The following POLR3G variants were observed in gnomAD, a reference collection of about 807,000 sequenced individuals.
POLR3G encodes DNA-directed RNA polymerase III subunit RPC7.
Under a neutral mutation model 30.1 loss-of-function variants are expected in POLR3G, and 28 were observed. The ratio of observed to expected loss-of-function variants is 0.93; its 90% CI spans 0.69 to 1.27. The LOEUF (loss-of-function observed/expected upper bound fraction) is 1.27, where lower values mean the gene tolerates loss of function less well. Among genes scored for constraint, POLR3G ranks in the 50% most tolerant of loss-of-function variants. The pLI is 0.00. For missense variants in POLR3G, 254 were observed against 264.6 expected, an observed-to-expected ratio of 0.96 and a Z score of 0.28; for synonymous variants, 79 against 82.5, an observed-to-expected ratio of 0.96 and a Z score of 0.23.
intron 5 of POLR3G, among the ~76,000 whole-genome samples, chr5:90,498,805 C>A (rs376968530): frequency 2.0e-5 from 3 of 152,102 alleles, no homozygotes; most frequent in African/African-American, 7.2e-5. Context: ...TCTATTATTG[C>A]CAGACATTGT....
At chr5:90,487,814 G>A (rs1751522894) in intron 2 of POLR3G, among the ~76,000 whole-genome samples, 186 bp from the exon 3 acceptor site, 4 of 152,178 alleles carry the variant, frequency 2.6e-5, no homozygotes, top group Admixed American at 2.0e-4. Flanking sequence ...TAATAGAAGA[G>A]CAAAGTAGGA....
At chr5:90,475,210 A>G (rs1047295161) in intron 1 of POLR3G, among the ~76,000 whole-genome samples, 190 bp downstream of exon 1, 5 of 152,106 alleles carry the variant, frequency 3.3e-5, no homozygotes, top group African/African-American at 1.2e-4. Flanking sequence ...TTTAAGTCCA[A>G]TTTCCAGATC....
upstream of POLR3G, chr5:90,474,162 ATCACCACG>A: frequency 6.2e-7 from 1 of 1,600,488 alleles, no homozygotes; most frequent in Non-Finnish European, 8.5e-7. Context: ...GCCTGTATCG[ATCACCACG>A]TCCTGCTCGG....
At chr5:90,510,775 G>A (rs1752700328) in intron 7 of POLR3G, among the ~76,000 whole-genome samples, 1 of 151,582 alleles carries the variant, frequency 6.6e-6, no homozygotes, top group South Asian at 2.1e-4. Flanking sequence ...AAAAAGTAAT[G>A]AGATAACTAT....
rs1752876061 is a variant in POLR3G at position 90,514,469 on chromosome 5, TTTG to T, written c.*2333_*2335del. ...ATGTTTATTTGTTAGAGAAAACTAA[TTTG>T]TTAATATAGATCTTAACTAGTAACT... On this transcript the variant is annotated 3_prime_UTR_variant, in exon 8 of 8. Transcript: ENST00000651687. 6.6e-6 allele frequency: 1 copy of T among 152,240 alleles called. No individual in the cohort carries two copies. The highest frequency in any genetic ancestry group is 1.5e-5 in the Non-Finnish European group (1 of 68,036). The allele number at this position is 152,240 out of a possible 1,614,324, so 9.4% of individuals were successfully genotyped here.
intron 1 of POLR3G, among the ~76,000 whole-genome samples, chr5:90,484,612 T>G (rs1393718781): frequency 6.6e-6 from 1 of 152,130 alleles, no homozygotes; most frequent in Non-Finnish European, 1.5e-5. Flanking sequence ...TACTGTGGCT[T>G]GCATAATTTT....
chr5:90,506,476 A>G, intron 6 of POLR3G, 52 bp from the exon 7 acceptor site: 2 of 1,573,212 alleles, frequency 1.3e-6, no homozygotes, highest in African/African-American at 1.4e-5. Context: ...TAAGCAGGGA[A>G]GTCAGCAGTC....
chr5:90,474,001 C>T (rs1179934133), upstream of POLR3G: 2 of 1,598,654 alleles, frequency 1.3e-6, no homozygotes, highest in East Asian at 2.3e-5. Flanking sequence ...TGCACTGCCA[C>T]GCGGTCGAAC....
intron 5 of POLR3G, among the ~76,000 whole-genome samples, chr5:90,498,652 A>G (rs972949678): frequency 3.9e-5 from 6 of 152,252 alleles, no homozygotes; most frequent in African/African-American, 1.4e-4. Flanking sequence ...ATTTTTTATT[A>G]TACTGGCTAC....
intron 1 of POLR3G, among the ~76,000 whole-genome samples, chr5:90,477,410 G>T (rs1393422447): frequency 5.9e-5 from 9 of 152,162 alleles, no homozygotes; most frequent in Non-Finnish European, 8.8e-5. Flanking sequence ...GGAGAATCCG[G>T]CCACAGGAAG....
intron 7 of POLR3G, among the ~76,000 whole-genome samples, chr5:90,508,592 C>A (rs1423441768): frequency 2.6e-5 from 4 of 151,856 alleles, no homozygotes; most frequent in African/African-American, 9.7e-5. Context: ...CCCTCCCCCA[C>A]CATTAGCTCT....
At chr5:90,483,690 T>C (rs546082850) in intron 1 of POLR3G, among the ~76,000 whole-genome samples, 1 of 152,082 alleles carries the variant, frequency 6.6e-6, no homozygotes, top group Non-Finnish European at 1.5e-5. Context: ...TCCCAGCTAC[T>C]TAGGAGGCTG....
chr5:90,504,215 A>G (rs1561257799), intron 6 of POLR3G, among the ~76,000 whole-genome samples: 1 of 152,094 alleles, frequency 6.6e-6, no homozygotes, highest in Non-Finnish European at 1.5e-5. Flanking sequence ...TAGCAATAAT[A>G]GAAATAGAGA....
intron 1 of POLR3G, among the ~76,000 whole-genome samples, chr5:90,479,221 C>G (rs953655563): frequency 6.6e-6 from 1 of 152,168 alleles, no homozygotes; most frequent in Non-Finnish European, 1.5e-5. Flanking sequence ...CCTGTAATCC[C>G]AGCACTTTGG....
chr5:90,486,333 G>A (rs1421428152), intron 2 of POLR3G, among the ~76,000 whole-genome samples: 1 of 152,148 alleles, frequency 6.6e-6, no homozygotes, highest in African/African-American at 2.4e-5. Context: ...TCAGGTATTG[G>A]CATAATGTCA....
intron 3 of POLR3G, among the ~76,000 whole-genome samples, chr5:90,491,748 G>A (rs889647048): frequency 1.9e-4 from 29 of 151,764 alleles, no homozygotes; most frequent in African/African-American, 6.5e-4. Flanking sequence ...GAAATACCTT[G>A]CTACTTTATC....
chr5:90,480,187 C>A (rs1387407608), intron 1 of POLR3G, among the ~76,000 whole-genome samples: 1 of 152,154 alleles, frequency 6.6e-6, no homozygotes, highest in African/African-American at 2.4e-5. Flanking sequence ...CACTAAAACT[C>A]CTTTATTCTA....
At chr5:90,510,187 G>T (rs1752671429) in intron 7 of POLR3G, among the ~76,000 whole-genome samples, 1 of 152,080 alleles carries the variant, frequency 6.6e-6, no homozygotes, top group African/African-American at 2.4e-5. Context: ...GACCATCCTG[G>T]CTAACACGGT....
chr5:90,486,219 T>C (rs1224733439), intron 2 of POLR3G, among the ~76,000 whole-genome samples: 2 of 152,226 alleles, frequency 1.3e-5, no homozygotes, highest in Admixed American at 6.5e-5. Context: ...TAGTTTAGAA[T>C]GTATCCAGGG....
Sources: allele counts gnomAD v4.1 joint callset (sites outside exome capture counted in the v4.1 genomes callset), GRCh38; gene constraint gnomAD v4.1.1; transcripts MANE v1.5; gene names NCBI Gene and HGNC (gene_info 2026-07-23, HGNC 2026-07-21).